Variants in ALDH2 observed in about 807,000 individuals in gnomAD.
The protein encoded by ALDH2 is aldehyde dehydrogenase 2 family member.
ALDH2 carries 44 observed loss-of-function variants against 59.6 expected under a neutral mutation model. That is an observed-to-expected ratio of 0.74 (90% confidence interval 0.58 to 0.95). The LOEUF (loss-of-function observed/expected upper bound fraction) is 0.95. Among genes scored for constraint, ALDH2 ranks in the 40% least tolerant of loss-of-function variants. The pLI, the probability that ALDH2 is intolerant of heterozygous loss-of-function variation, is 0.00. For synonymous variants in ALDH2, 291 were observed against 284.0 expected (o/e 1.02, Z -0.25); for missense variants, 570 against 696.3 (o/e 0.82, Z 2.04).
intron 12 of ALDH2, among the ~76,000 whole-genome samples, chr12:111,807,057 A>G (rs542630731): frequency 1.3e-5 from 2 of 151,850 alleles, no homozygotes; most frequent in Non-Finnish European, 2.9e-5. Flanking sequence ...ACAAGGTCAG[A>G]AGATCCAGAC....
At chr12:111,800,644 G>T (rs1177097755) in intron 11 of ALDH2, among the ~76,000 whole-genome samples, 2 of 152,066 alleles carry the variant, frequency 1.3e-5, no homozygotes, top group Non-Finnish European at 2.9e-5. Context: ...TGTTGCCCAG[G>T]CTGGGCTATA....
At chr12:111,806,558 A>C (rs1258135260) in intron 12 of ALDH2, among the ~76,000 whole-genome samples, 1 of 152,224 alleles carries the variant, frequency 6.6e-6, no homozygotes, top group African/African-American at 2.4e-5. Context: ...CACAGTGCCA[A>C]GCCTGAGACT....
At chr12:111,789,219 A>G (rs2068336470) in intron 4 of ALDH2, among the ~76,000 whole-genome samples, 1 of 149,936 alleles carries the variant, frequency 6.7e-6, no homozygotes, top group Non-Finnish European at 1.5e-5. Flanking sequence ...GGGTTTCACC[A>G]CCTTGGCCAG....
At chr12:111,790,657 G>A (rs1324209232) in intron 6 of ALDH2, 95 bp downstream of exon 6, 2 of 1,535,956 alleles carry the variant, frequency 1.3e-6, no homozygotes, top group East Asian at 2.3e-5. Context: ...CCTAAACAGG[G>A]AGGTGTGTTT....
chr12:111,774,258 G>A (rs1025826409), intron 1 of ALDH2, among the ~76,000 whole-genome samples: 1 of 152,154 alleles, frequency 6.6e-6, no homozygotes, highest in African/African-American at 2.4e-5. Flanking sequence ...ACTGCCCCTC[G>A]CCTTGATCCC....
Position 111,789,898 on chromosome 12 carries a change from C to T in ALDH2, c.516C>T (p.Arg172=). 1 of 1,614,214 alleles carries T rather than the reference C, an allele frequency of 6.2e-7. No individual in the cohort carries two copies. The highest frequency in any genetic ancestry group is 8.5e-7 in the Non-Finnish European group (1 of 1,180,038). Residue 172 remains arginine, a synonymous_variant, in exon 5 of 13, where the codon CGC becomes CGT. Coordinates refer to ENST00000261733, the MANE Select transcript of ALDH2 (RefSeq NM_000690.4). The part of the protein sequence containing the change: ...PIDGDFFSYT[R]HEPVGVCGQI... ...ACGGAGACTTCTTCAGCTACACACG[C>T]CATGAACCTGTGGGGGTGTGCGGGC...
At chr12:111,807,980 G>A (rs1224824628) in intron 12 of ALDH2, among the ~76,000 whole-genome samples, 2 of 151,566 alleles carry the variant, frequency 1.3e-5, no homozygotes, top group Admixed American at 6.6e-5. Flanking sequence ...GGGCTCAAGC[G>A]ATTCTCATGC....
intron 9 of ALDH2, among the ~76,000 whole-genome samples, chr12:111,797,807 T>C (rs1222574679): frequency 2.0e-5 from 3 of 152,196 alleles, no homozygotes; most frequent in Admixed American, 6.5e-5. Context: ...AACGGTCTCT[T>C]GCTATCAGTG....
chr12:111,815,497 G>C lies in ALDH2; in HGVS notation c.*5922G>C, dbSNP rs2068563918. On this transcript the variant is annotated 3_prime_UTR_variant, in exon 13 of 13. Coordinates refer to ENST00000261733, the MANE Select transcript of ALDH2 (RefSeq NM_000690.4). ...TTACAATATACATATATTAGAGTGAGAGCATAGATGTGATGCCTGGCGATA... is the reference window on the plus strand; with the variant it reads ...TTACAATATACATATATTAGAGTGACAGCATAGATGTGATGCCTGGCGATA... The C allele has an allele frequency of 6.6e-6, 1 of 152,106 alleles. No individual in the cohort carries two copies. The highest frequency in any genetic ancestry group is 2.4e-5 in the African/African-American group (1 of 41,410). 9.4% of individuals were successfully genotyped at this position (152,106 alleles called of 1,614,324 possible).
At position 111,810,100 on chromosome 12, in the gene ALDH2, T is replaced by G. The variant is rs565150092; in HGVS notation, c.*525T>G. 1.4e-4 allele frequency: 23 copies of G among 167,928 alleles called. No homozygotes were observed. The highest frequency in any genetic ancestry group is 2.6e-4 in the Non-Finnish European group (20 of 77,610). The allele number at this position is 167,928 out of a possible 1,614,324, so 10.4% of individuals were successfully genotyped here. ...GGTGGATCACTCGAGGTCAGGAGTT[T>G]GAGACCAGCCTGGCCAACGTAGTGA... On this transcript the variant is annotated 3_prime_UTR_variant, in exon 13 of 13. Transcript: ENST00000261733.
At chr12:111,792,482 C>A in intron 8 of ALDH2, 116 bp from the exon 9 acceptor site, 1 of 1,233,420 alleles carries the variant, frequency 8.1e-7, no homozygotes. Flanking sequence ...GTCTCTGGCA[C>A]CCAGCAGGCA....
intron 11 of ALDH2, among the ~76,000 whole-genome samples, chr12:111,802,645 C>T (rs900982632): frequency 6.6e-6 from 1 of 151,518 alleles, no homozygotes; most frequent in Non-Finnish European, 1.5e-5. Context: ...CTTTGGGAGG[C>T]CAAGGCGGGC....
chr12:111,784,828 G>A (rs1327729058), intron 3 of ALDH2, among the ~76,000 whole-genome samples: 1 of 152,094 alleles, frequency 6.6e-6, no homozygotes, highest in Non-Finnish European at 1.5e-5. Flanking sequence ...TGGTCAGGCT[G>A]GTCTCGAACA....
intron 9 of ALDH2, among the ~76,000 whole-genome samples, chr12:111,793,783 A>G (rs994335428): frequency 1.3e-5 from 2 of 148,300 alleles, no homozygotes; most frequent in Non-Finnish European, 1.5e-5. Flanking sequence ...ACAGGGTTTC[A>G]CTCTGTTGCC....
At chr12:111,807,766 G>A (rs919568510) in intron 12 of ALDH2, among the ~76,000 whole-genome samples, 1 of 152,120 alleles carries the variant, frequency 6.6e-6, no homozygotes, top group Non-Finnish European at 1.5e-5. Context: ...AGAGAGCAAG[G>A]CCAGAATGCA....
rs2068162629 is a variant in ALDH2, at chr12:111,766,997, C to T, written c.15C>T (p.Ala5=). 1.3e-6 allele frequency: 2 copies of T among 1,522,190 alleles called. No individual in the cohort carries two copies. Among genetic ancestry groups the T allele is most frequent in the Middle Eastern group, 2.0e-4 (1 of 4,896 alleles). 94.3% of individuals were successfully genotyped at this position (1,522,190 alleles called of 1,614,324 possible). MLRA[A]ARFGPRLGRR... ...AGCCCGCTGCGATGTTGCGCGCTGC[C>T]GCCCGCTTCGGGCCCCGCCTGGGCC... Residue 5 remains alanine, a synonymous_variant, in exon 1 of 13, where the codon GCC becomes GCT. Transcript: ENST00000261733.
rs772296175 is a variant in ALDH2 at position 111,800,082 on chromosome 12, C to T, written c.1406+19C>T. 10 of 1,599,858 alleles carry T rather than the reference C, an allele frequency of 6.3e-6. No individual in the cohort carries two copies. The highest frequency in any genetic ancestry group is 8.5e-6 in the Non-Finnish European group (10 of 1,172,918). ...CTGTGTGGTAAGAGCCTCCCAGCAGCCCCTCACAACCCAACAGAGATTCCT... is the reference window on the plus strand; with the variant it reads ...CTGTGTGGTAAGAGCCTCCCAGCAGTCCCTCACAACCCAACAGAGATTCCT... On this transcript the variant is annotated intron_variant, in intron 11 of 12. Transcript: ENST00000261733.
In ALDH2 at chr12:111,800,079, C is replaced by A; in HGVS notation, c.1406+16C>A. 1.2e-6 allele frequency: 2 copies of A among 1,603,670 alleles called. No homozygotes were observed. The highest frequency in any genetic ancestry group is 2.2e-5 in the East Asian group (1 of 44,690). The stretch of plus-strand genomic sequence containing the variant: ...GCACTGTGTGGTAAGAGCCTCCCAG[C>A]AGCCCCTCACAACCCAACAGAGATT... On this transcript the variant is annotated intron_variant, in intron 11 of 12. Coordinates refer to ENST00000261733, the MANE Select transcript of ALDH2 (RefSeq NM_000690.4).
chr12:111,783,869 C>T (rs2068291608), intron 3 of ALDH2, among the ~76,000 whole-genome samples: 1 of 152,084 alleles, frequency 6.6e-6, no homozygotes, highest in South Asian at 2.1e-4. Flanking sequence ...GGAGCTGTGT[C>T]AGGGAGGCCT....
Sources: gnomAD v4.1 joint callset for allele counts (sites outside exome capture counted in the v4.1 genomes callset) on GRCh38, gnomAD v4.1.1 for gene constraint, MANE v1.5 for transcripts, NCBI Gene and HGNC (gene_info 2026-07-23, HGNC 2026-07-21) for gene names.